HERC1: variants seen among roughly 807,000 people sequenced by gnomAD.
HERC1 encodes HECT and RLD domain containing E3 ubiquitin protein ligase family member 1.
In HERC1, 160 loss-of-function variants were observed where a neutral mutation model predicts 554.3. The observed-to-expected ratio is 0.29, with a 90% CI of 0.25 to 0.33. The LOEUF (loss-of-function observed/expected upper bound fraction) is 0.33, where lower values mean the gene tolerates loss of function less well. Among genes scored for constraint, HERC1 ranks in the 10% least tolerant of loss-of-function variants. The pLI, the probability that HERC1 is intolerant of heterozygous loss-of-function variation, is 1.00. For synonymous variants in HERC1, 2,175 were observed against 2,131.7 expected, an observed-to-expected ratio of 1.02 and a Z score of -0.56; for missense variants, 4,919 against 5,918.5, an observed-to-expected ratio of 0.83 and a Z score of 5.54.
At chr15:63,747,276 A>AT (rs1227085703) in intron 11 of HERC1, among the ~76,000 whole-genome samples, 193 bp from the exon 12 acceptor site, 1 of 152,166 alleles carries the variant, frequency 6.6e-6, no homozygotes, top group Non-Finnish European at 1.5e-5. Flanking sequence ...CCTGGCCAAC[A>AT]TGGCAAAACC....
Position 63,612,375 on chromosome 15 carries a change from T to G in HERC1, c.14276A>C (p.His4759Pro). ...CTCATTGGAGAACTCTTCCAGCGTG[T>G]GCCAGAACCACTGCACCAGCTGATG... ...EQHQLVQWFW[H>P]TLEEFSNEER... is the part of the protein sequence containing the mutation. The change falls in exon 77 of 78, where the codon CAC (histidine) becomes CCC (proline). Residue 4759 changes from histidine (H) to proline (P), a missense_variant. Transcript: ENST00000443617. This position sits in a 1 kb window ranked among gnomAD's most constrained non-coding sequence, Gnocchi z 5.0. 1 of 1,614,052 alleles carries G rather than the reference T, an allele frequency of 6.2e-7. No individual in the cohort carries two copies. Among genetic ancestry groups the G allele is most frequent in the South Asian group, 1.1e-5 (1 of 91,070 alleles).
chr15:63,691,770 GA>G (rs1203994153), intron 31 of HERC1, among the ~76,000 whole-genome samples: 12 of 152,222 alleles, frequency 7.9e-5, no homozygotes, highest in African/African-American at 2.6e-4. Context: ...TAGAGATTAT[GA>G]AAAAAAGTTC....
chr15:63,672,477 T>G lies in HERC1; in HGVS notation c.8045+19A>C, dbSNP rs2070984182. 3 of 1,556,410 alleles carry G rather than the reference T, an allele frequency of 1.9e-6. No homozygotes were observed. Among genetic ancestry groups the G allele is most frequent in the Admixed American group, 3.8e-5 (2 of 52,624 alleles). On this transcript the variant is annotated intron_variant, in intron 39 of 77. Transcript: ENST00000443617. Reference sequence around the variant, plus strand: ...ACACAGGCATCAGTATGGCAGACATTAAAGGTCAACTTCTCTACCTGAGAA... The same window carrying G: ...ACACAGGCATCAGTATGGCAGACATGAAAGGTCAACTTCTCTACCTGAGAA...
intron 14 of HERC1, among the ~76,000 whole-genome samples, chr15:63,730,257 C>T (rs2074234139): frequency 1.3e-5 from 2 of 151,592 alleles, no homozygotes; most frequent in Admixed American, 6.6e-5. Context: ...GAGTTCAAGA[C>T]CAGCATGGGC....
In HERC1 at chr15:63,686,511, C is replaced by G; in HGVS notation, c.6073G>C (p.Asp2025His). The change falls in exon 34 of 78, where the codon GAT becomes CAT. Residue 2025 changes from aspartate (D) to histidine (H), a missense_variant. Physicochemically the swap from Asp to His is moderately conservative, Grantham distance 81. Around this residue, in one of 11 missense-constraint regions of HERC1, gnomAD observed 1,121 missense variants for 1,244.0 expected, o/e 0.90. Coordinates refer to ENST00000443617, the MANE Select transcript of HERC1 (RefSeq NM_003922.4). ...ACTTCTTGGATAGGAAGATTCTCAT[C>G]TTCTTCTTCCAACTCGCCCTGCTTC... Reference protein sequence around the residue: ...LQKQGELEEEDENLPIQEVSF... With the variant: ...LQKQGELEEEHENLPIQEVSF... The G allele has an allele frequency of 7.4e-6, 12 of 1,613,040 alleles. No individual in the cohort carries two copies. The highest frequency in any genetic ancestry group is 9.3e-6 in the Non-Finnish European group (11 of 1,179,474).
At chr15:63,789,078 GTTTTTT>G (rs71131178) in intron 1 of HERC1, among the ~76,000 whole-genome samples, 1 of 83,604 alleles carries the variant, frequency 1.2e-5, no homozygotes, top group Non-Finnish European at 2.2e-5. Context: ...GGAATAAAAG[GTTTTTT>G]TTTTTTTTTT....
At position 63,648,056 on chromosome 15, in the gene HERC1, A is replaced by C. The variant is rs2069451033; in HGVS notation, c.10878+13T>G. 4 of 1,548,216 alleles carry C rather than the reference A, an allele frequency of 2.6e-6. No individual in the cohort carries two copies. The East Asian group carries it at 9.8e-5, about 38-fold the overall frequency. On this transcript the variant is annotated intron_variant, in intron 55 of 77. Transcript: ENST00000443617. ...GTATCCCATAAAATTACGTTTTTTAAAGATGCATTTACCTTATGTGCATCA... is the reference window on the plus strand; with the variant it reads ...GTATCCCATAAAATTACGTTTTTTACAGATGCATTTACCTTATGTGCATCA...
rs1206753480 is a variant in HERC1 at position 63,749,588 on chromosome 15, G to A, written c.2048-50C>T. The A allele has an allele frequency of 3.8e-6, 6 of 1,572,950 alleles. No homozygotes were observed. Among genetic ancestry groups the A allele is most frequent in the Admixed American group, 3.6e-5 (2 of 54,956 alleles). The stretch of plus-strand genomic sequence containing the variant: ...TATAAAAGAAAAGCCAAATTCAAAT[G>A]TAATATATTTACACAAGACAACAGT... On this transcript the variant is annotated intron_variant, in intron 9 of 77. Coordinates refer to ENST00000443617, the MANE Select transcript of HERC1 (RefSeq NM_003922.4). This position sits in a 1 kb window ranked among gnomAD's most constrained non-coding sequence, Gnocchi z 4.1.
intron 1 of HERC1, among the ~76,000 whole-genome samples, chr15:63,829,561 G>GTATATATATA (rs60037018): frequency 6.1e-5 from 5 of 81,718 alleles, no homozygotes; most frequent in African/African-American, 2.6e-4. Flanking sequence ...GTGTGTGTGT[G>GTATATATATA]TATATATATA....
intron 70 of HERC1, 29 bp downstream of exon 70, chr15:63,628,648 T>C (rs1208945449): frequency 1.9e-5 from 30 of 1,591,436 alleles, no homozygotes; most frequent in Non-Finnish European, 2.6e-5. Flanking sequence ...AAAGAAACGC[T>C]GCAGGAGCAT....
rs1173729153 is a variant in HERC1, at chr15:63,674,913, T to C, written c.7275A>G (p.Lys2425=). ...EKKHRHESEE[K]GDVEQKPESE... Reference sequence around the variant, plus strand: ...TCTCAGGTTTCTGCTCAACATCCCCTTTCTCCTCGGATTCATGTCGGTGTT... The same window carrying C: ...TCTCAGGTTTCTGCTCAACATCCCCCTTCTCCTCGGATTCATGTCGGTGTT... Residue 2425 remains lysine, a synonymous_variant, in exon 38 of 78, where the codon AAA becomes AAG. Coordinates refer to ENST00000443617, the MANE Select transcript of HERC1 (RefSeq NM_003922.4). The C allele has an allele frequency of 6.2e-7, 1 of 1,614,050 alleles. No individual in the cohort carries two copies. The highest frequency in any genetic ancestry group is 1.1e-5 in the South Asian group (1 of 91,086).
Position 63,698,757 on chromosome 15 carries a change from C to A in HERC1, c.4876G>T (p.Ala1626Ser), listed in dbSNP as rs2072565553. The A allele has an allele frequency of 6.2e-7, 1 of 1,613,770 alleles. No individual in the cohort carries two copies. Among genetic ancestry groups the A allele is most frequent in the Non-Finnish European group, 8.5e-7 (1 of 1,179,772 alleles). Residue 1626 changes from alanine to serine, a missense_variant, in exon 26 of 78, where the codon GCA (alanine) becomes TCA (serine). Physicochemically the swap from Ala to Ser is moderately conservative, Grantham distance 99. Transcript: ENST00000443617. Reference sequence around the variant, plus strand: ...GCCCTTAACTGCTGCTGTTCCATTGCAATGATGGAGGCCTGGGGACTTGTA... The same window carrying A: ...GCCCTTAACTGCTGCTGTTCCATTGAAATGATGGAGGCCTGGGGACTTGTA... ...MSTSPQASII[A>S]MEQQQLRAEL...
At chr15:63,821,828 G>A (rs551045961) in intron 1 of HERC1, among the ~76,000 whole-genome samples, 49 of 152,066 alleles carry the variant, frequency 3.2e-4, no homozygotes, top group African/African-American at 1.2e-3. Context: ...CCACATGCTA[G>A]GGACTTTTCT....
chr15:63,624,071 G>C (rs2068199222), intron 72 of HERC1, 87 bp downstream of exon 72: 3 of 1,368,578 alleles, frequency 2.2e-6, no homozygotes, highest in Non-Finnish European at 3.1e-6. Context: ...CCTTAGAAGT[G>C]AGGAAACCAA....
rs942798023 is a variant in HERC1, at chr15:63,756,970, T to A, written c.1222-222A>T. The stretch of plus-strand genomic sequence containing the variant: ...CAAATTCTTCATGTATATGTTATCT[T>A]TCCAGGTTATTGTCCAGGTTATGAT... On this transcript the variant is annotated intron_variant, in intron 4 of 77. Coordinates refer to ENST00000443617, the MANE Select transcript of HERC1 (RefSeq NM_003922.4). The surrounding 1 kb of genome is among the most constrained non-coding windows in gnomAD (Gnocchi z 5.0). Among the ~76,000 whole-genome samples the A allele has an allele frequency of 6.6e-6, 1 of 152,184 alleles. No individual in the cohort carries two copies. Among genetic ancestry groups the A allele is most frequent in the African/African-American group, 2.4e-5 (1 of 41,454 alleles).
chr15:63,792,679 A>G (rs1212514780), intron 1 of HERC1, among the ~76,000 whole-genome samples: 1 of 152,240 alleles, frequency 6.6e-6, no homozygotes, highest in East Asian at 1.9e-4. Context: ...CTCACAACAC[A>G]GAACACTTCT....
chr15:63,814,830 T>A lies in HERC1; in HGVS notation c.-27+18997A>T, dbSNP rs538436252. 2.4e-4 allele frequency among the ~76,000 whole-genome samples: 37 copies of A among 152,368 alleles called. No homozygotes were observed. In the South Asian group the frequency reaches 6.6e-3, roughly 27 times the overall value. On this transcript the variant is annotated intron_variant, in intron 1 of 77. Coordinates refer to ENST00000443617, the MANE Select transcript of HERC1 (RefSeq NM_003922.4). ...AGAATCAGCTCTGCTGTGGAAAATA[T>A]GAAACCTACCTGTCTACGTCTCAAA...
At chr15:63,644,233 A>G (rs1031310215) in intron 57 of HERC1, among the ~76,000 whole-genome samples, 5 of 152,234 alleles carry the variant, frequency 3.3e-5, no homozygotes, top group African/African-American at 9.6e-5. Flanking sequence ...AAGATGATGT[A>G]AAGTGTATTT....
intron 18 of HERC1, 80 bp from the exon 19 acceptor site, chr15:63,723,435 T>A (rs974415846): frequency 1.0e-6 from 1 of 984,914 alleles, no homozygotes; most frequent in Non-Finnish European, 1.5e-6. Context: ...ATTTATTTAA[T>A]GATTATGAAA....
Sources: gnomAD v4.1 joint callset for allele counts (sites outside exome capture counted in the v4.1 genomes callset) on GRCh38, gnomAD v4.1.1 for gene constraint, gnomAD v4.1.1 regional missense constraint, Gnocchi (gnomAD v3.1) non-coding constraint, MANE v1.5 for transcripts, NCBI Gene and HGNC (gene_info 2026-07-23, HGNC 2026-07-21) for gene names.